Variants in MYO3A observed in about 807,000 individuals in gnomAD.
MYO3A encodes the protein myosin-IIIa.
Under a neutral mutation model 192.7 loss-of-function variants are expected in MYO3A, and 180 were observed. The observed-to-expected ratio is 0.93, with a 90% CI of 0.83 to 1.06. MYO3A has a LOEUF of 1.06. MYO3A is among the 50% of genes least tolerant of loss of function. The probability of loss-of-function intolerance (pLI) is 0.00; values close to 1 mark genes in which losing one functional copy is unlikely to be tolerated. For missense variants in MYO3A, 1,896 were observed against 1,905.0 expected, an observed-to-expected ratio of 1.00 and a Z score of 0.09; for synonymous variants, 628 against 645.3, an observed-to-expected ratio of 0.97 and a Z score of 0.41.
chr10:26,000,529 C>T (rs1840726699), intron 6 of MYO3A, among the ~76,000 whole-genome samples: 1 of 152,206 alleles, frequency 6.6e-6, no homozygotes, highest in Admixed American at 6.5e-5. Context: ...TGAGGAAAGC[C>T]TATCTCCTGA....
At chr10:26,057,446 T>C (rs974465421) in intron 10 of MYO3A, among the ~76,000 whole-genome samples, 25 of 152,212 alleles carry the variant, frequency 1.6e-4, no homozygotes, top group African/African-American at 6.0e-4. Context: ...GAAGAGGAGA[T>C]ACATGAAAAT....
At chr10:26,090,430 G>T (rs990863620) in intron 15 of MYO3A, among the ~76,000 whole-genome samples, 5 of 152,146 alleles carry the variant, frequency 3.3e-5, no homozygotes, top group African/African-American at 1.2e-4. Context: ...GAATTAAGTA[G>T]TTTTTTTCCC....
intron 26 of MYO3A, 94 bp downstream of exon 26, chr10:26,157,609 G>A: frequency 1.5e-6 from 2 of 1,317,326 alleles, no homozygotes; most frequent in South Asian, 1.3e-5. Context: ...AATCTTTAGA[G>A]GTCTAGGAGG....
At chr10:26,062,530 A>AAAAAACCAAAAAAACAAAAAAAAACG (rs1554816581) in intron 10 of MYO3A, among the ~76,000 whole-genome samples, 1 of 125,946 alleles carries the variant, frequency 7.9e-6, no homozygotes, top group Non-Finnish European at 1.7e-5. Context: ...AAAAAAAAAA[A>AAAAAACCAAAAAAACAAAAAAAAACG]AAATTATGGA....
chr10:26,152,047 T>C (rs752804810), intron 23 of MYO3A, among the ~76,000 whole-genome samples: 5 of 152,230 alleles, frequency 3.3e-5, no homozygotes, highest in Non-Finnish European at 5.9e-5. Flanking sequence ...TCTATCCATC[T>C]AATTCCATGT....
intron 31 of MYO3A, among the ~76,000 whole-genome samples, chr10:26,187,498 A>T (rs572309826): frequency 0.031 from 3,188 of 102,148 alleles, 114 homozygotes; most frequent in African/African-American, 0.12. Flanking sequence ...TCTTTTTTTT[A>T]TTATTATTAT....
intron 14 of MYO3A, among the ~76,000 whole-genome samples, chr10:26,083,107 G>A (rs776664571): frequency 1.3e-5 from 2 of 152,088 alleles, no homozygotes; most frequent in Non-Finnish European, 2.9e-5. Flanking sequence ...AGGCAAATAT[G>A]GTTTCTCTTT....
Position 26,170,458 on chromosome 10 carries a change from T to A in MYO3A, c.3317T>A (p.Val1106Asp). The A allele has an allele frequency of 6.2e-7, 1 of 1,613,638 alleles. No homozygotes were observed. The highest frequency in any genetic ancestry group is 8.5e-7 in the Non-Finnish European group (1 of 1,179,714). The change falls in exon 29 of 35, where the codon GTT (valine) becomes GAT (aspartate). Residue 1106 changes from valine (V) to aspartate (D), a missense_variant. Transcript: ENST00000642920. Reference sequence around the variant, plus strand: ...GTCAGGAAACAAAGAAAAGAAATTGTTGACATGAAAAACACAGCAGTAACA... The same window carrying A: ...GTCAGGAAACAAAGAAAAGAAATTGATGACATGAAAAACACAGCAGTAACA... The part of the protein sequence containing the change: ...HLVRKQRKEI[V>D]DMKNTAVTTI...
chr10:25,938,532 C>T (rs560234354), intron 2 of MYO3A, among the ~76,000 whole-genome samples: 66 of 152,320 alleles, frequency 4.3e-4, no homozygotes, highest in South Asian at 2.1e-4. Context: ...CCAGCTGAAA[C>T]TCCAGTGTGT....
intron 30 of MYO3A, 62 bp downstream of exon 30, chr10:26,174,619 T>C: frequency 7.4e-7 from 1 of 1,352,816 alleles, no homozygotes; most frequent in South Asian, 1.2e-5. Context: ...AATAACTGAA[T>C]TAAACACATA....
intron 2 of MYO3A, among the ~76,000 whole-genome samples, chr10:25,944,647 C>A (rs530534348): frequency 6.6e-6 from 1 of 151,890 alleles, no homozygotes; most frequent in East Asian, 1.9e-4. Context: ...TTGTGTGTTT[C>A]TAGGAATTTG....
chr10:26,171,824 A>T (rs1177359094), intron 29 of MYO3A, among the ~76,000 whole-genome samples: 1 of 152,166 alleles, frequency 6.6e-6, no homozygotes, highest in Non-Finnish European at 1.5e-5. Flanking sequence ...TAATTGTACT[A>T]CTTCTAGAAA....
intron 25 of MYO3A, among the ~76,000 whole-genome samples, chr10:26,156,418 A>C (rs1841117622): frequency 6.6e-6 from 1 of 152,194 alleles, no homozygotes; most frequent in Non-Finnish European, 1.5e-5. Flanking sequence ...CTGGGATTCC[A>C]CTTTTAGTTG....
chr10:26,044,841 G>C (rs1843546473), intron 10 of MYO3A, among the ~76,000 whole-genome samples: 1 of 152,224 alleles, frequency 6.6e-6, no homozygotes, highest in Non-Finnish European at 1.5e-5. Context: ...ACAAGCAGCT[G>C]TGCTTTTCCA....
intron 10 of MYO3A, among the ~76,000 whole-genome samples, chr10:26,053,705 A>C (rs1466346498): frequency 6.6e-6 from 1 of 152,108 alleles, no homozygotes; most frequent in Admixed American, 6.6e-5. Flanking sequence ...TGTGCCTGTA[A>C]TTCCAGGTAC....
chr10:26,070,273 A>C, intron 13 of MYO3A, 45 bp from the exon 14 acceptor site: 1 of 1,604,454 alleles, frequency 6.2e-7, no homozygotes, highest in Non-Finnish European at 8.5e-7. Flanking sequence ...ATGTCACTTA[A>C]TTTTGAGGAT....
At chr10:26,058,377 C>T (rs1398382799) in intron 10 of MYO3A, among the ~76,000 whole-genome samples, 1 of 152,064 alleles carries the variant, frequency 6.6e-6, no homozygotes, top group Admixed American at 6.5e-5. Context: ...ATGTATTTAC[C>T]TATTTCTTCC....
At chr10:26,071,384 C>T (rs1000022702) in intron 14 of MYO3A, among the ~76,000 whole-genome samples, 3 of 151,984 alleles carry the variant, frequency 2.0e-5, no homozygotes, top group African/African-American at 4.8e-5. Context: ...AAATTTTTAA[C>T]TCAAAGTGGA....
At chr10:26,103,580 C>G (rs1837610864) in intron 17 of MYO3A, among the ~76,000 whole-genome samples, 1 of 152,088 alleles carries the variant, frequency 6.6e-6, no homozygotes, top group Non-Finnish European at 1.5e-5. Context: ...GTTATTTGCC[C>G]ATTCATTAGT....
Sources: allele counts gnomAD v4.1 joint callset (sites outside exome capture counted in the v4.1 genomes callset), GRCh38; gene constraint gnomAD v4.1.1; transcripts MANE v1.5; gene names NCBI Gene and HGNC (gene_info 2026-07-23, HGNC 2026-07-21).